The following GNAQ variants were observed in gnomAD, a reference collection of about 807,000 sequenced individuals.
GNAQ encodes the protein G protein subunit alpha q, also known as guanine nucleotide-binding protein G(q) subunit alpha.
Under a neutral mutation model 43.9 loss-of-function variants are expected in GNAQ, and 8 were observed. The ratio of observed to expected loss-of-function variants is 0.18; its 90% CI spans 0.11 to 0.33. GNAQ has a LOEUF of 0.33. Ranked by LOEUF, GNAQ falls within the 10% of genes least tolerant of loss-of-function variation. The probability of loss-of-function intolerance (pLI) is 1.00; values close to 1 mark genes in which losing one functional copy is unlikely to be tolerated. For synonymous variants in GNAQ, 155 were observed against 170.7 expected (o/e 0.91, Z 0.71); for missense variants, 158 against 450.8 (o/e 0.35, Z 5.88).
At chr9:77,765,036 G>A (rs1388916817) in intron 5 of GNAQ, among the ~76,000 whole-genome samples, 1 of 152,144 alleles carries the variant, frequency 6.6e-6, no homozygotes, top group African/African-American at 2.4e-5. Context: ...CTGGGAATTT[G>A]TCTTCGGTTT....
At chr9:77,833,591 A>C (rs1245609411) in intron 2 of GNAQ, among the ~76,000 whole-genome samples, 1 of 152,226 alleles carries the variant, frequency 6.6e-6, no homozygotes, top group Non-Finnish European at 1.5e-5. Flanking sequence ...TCCTAGGCTT[A>C]AAGTTTAGTT....
chr9:77,868,882 G>A (rs1827991511), intron 2 of GNAQ, among the ~76,000 whole-genome samples: 1 of 152,202 alleles, frequency 6.6e-6, no homozygotes, highest in Non-Finnish European at 1.5e-5. Context: ...AGCTACTTGG[G>A]AGGCTGAGGC....
intron 2 of GNAQ, among the ~76,000 whole-genome samples, chr9:77,873,092 CT>C (rs991695253): frequency 6.6e-6 from 1 of 152,208 alleles, no homozygotes; most frequent in Non-Finnish European, 1.5e-5. Flanking sequence ...TATTCATCCC[CT>C]GGGGTCTAAT....
chr9:77,854,337 G>A (rs1057380223), intron 2 of GNAQ, among the ~76,000 whole-genome samples: 1 of 152,066 alleles, frequency 6.6e-6, no homozygotes, highest in African/African-American at 2.4e-5. Context: ...TTACTGTTTA[G>A]GAATTATAGG....
chr9:77,814,231 T>C (rs1019601095), intron 3 of GNAQ, among the ~76,000 whole-genome samples: 3 of 151,726 alleles, frequency 2.0e-5, no homozygotes, highest in Admixed American at 1.3e-4. Flanking sequence ...CAGAAACTTA[T>C]ACAGTGGGAG....
At chr9:77,773,735 C>T (rs976977304) in intron 5 of GNAQ, among the ~76,000 whole-genome samples, 1 of 152,140 alleles carries the variant, frequency 6.6e-6, no homozygotes, top group East Asian at 1.9e-4. Flanking sequence ...CATAGGTTCC[C>T]GTGTGAAAAC....
intron 2 of GNAQ, among the ~76,000 whole-genome samples, chr9:77,871,592 A>T (rs1337652013): frequency 6.6e-6 from 1 of 152,040 alleles, no homozygotes; most frequent in Non-Finnish European, 1.5e-5. Flanking sequence ...CCTTTTTAAT[A>T]TCCCTTTTAA....
chr9:77,993,127 T>C (rs980593967), intron 1 of GNAQ, among the ~76,000 whole-genome samples: 2 of 152,214 alleles, frequency 1.3e-5, no homozygotes, highest in African/African-American at 4.8e-5. Flanking sequence ...TAGAAACTAA[T>C]TAAATTCAGT....
At chr9:77,776,185 T>G (rs1826303939) in intron 5 of GNAQ, among the ~76,000 whole-genome samples, 1 of 152,210 alleles carries the variant, frequency 6.6e-6, no homozygotes, top group Non-Finnish European at 1.5e-5. Context: ...TTTCCAGCTC[T>G]GCAATAGCCT....
intron 2 of GNAQ, among the ~76,000 whole-genome samples, chr9:77,863,216 A>AAGGAAGGAAGGAAGGAAGGGAGGGAGGG (rs1281288103): frequency 3.4e-4 from 51 of 149,050 alleles, no homozygotes; most frequent in African/African-American, 1.2e-3. Flanking sequence ...GGAAGGAAGG[A>AAGGAAGGAAGGAAGGAAGGGAGGGAGGG]AGGGAGGAAG....
chr9:77,741,934 T>A (rs145599920), intron 5 of GNAQ, among the ~76,000 whole-genome samples: 1 of 152,152 alleles, frequency 6.6e-6, no homozygotes, highest in East Asian at 1.9e-4. Flanking sequence ...TACTAAAAGG[T>A]ATGGTTATGA....
chr9:77,837,362 G>A (rs1827406731), intron 2 of GNAQ, among the ~76,000 whole-genome samples: 2 of 151,932 alleles, frequency 1.3e-5, no homozygotes, highest in South Asian at 4.2e-4. Context: ...GACCAGGCTG[G>A]CCAACATGGT....
At chr9:78,016,457 G>A (rs1014920686) in intron 1 of GNAQ, among the ~76,000 whole-genome samples, 5 of 152,156 alleles carry the variant, frequency 3.3e-5, no homozygotes, top group African/African-American at 1.2e-4. Context: ...AGGCCAAGGT[G>A]GGCGGATCAC....
intron 1 of GNAQ, among the ~76,000 whole-genome samples, chr9:77,963,117 T>C (rs1823125843): frequency 1.3e-5 from 2 of 152,150 alleles, no homozygotes; most frequent in South Asian, 4.1e-4. Flanking sequence ...GCCAAATTTA[T>C]AGTGAAACTC....
In GNAQ at chr9:77,996,510, C is replaced by T. The variant is rs1346425954; in HGVS notation, c.136+34590G>A. Among the ~76,000 whole-genome samples the T allele has an allele frequency of 2.0e-5, 3 of 151,428 alleles. No individual in the cohort carries two copies. In the East Asian group the frequency reaches 5.8e-4, roughly 29 times the overall value. ...CTGATCAACATGGTGAAACCCTATC[C>T]CTACAAAAAATACAGAAGTTAGCCA... On this transcript the variant is annotated intron_variant, in intron 1 of 6. Coordinates refer to ENST00000286548, the MANE Select transcript of GNAQ (RefSeq NM_002072.5).
chr9:77,949,171 G>C (rs117263769), intron 1 of GNAQ, among the ~76,000 whole-genome samples: 1 of 152,138 alleles, frequency 6.6e-6, no homozygotes, highest in African/African-American at 2.4e-5. Flanking sequence ...AATACTAAGC[G>C]GCAAAACTGG....
intron 5 of GNAQ, among the ~76,000 whole-genome samples, chr9:77,766,746 T>C (rs1205879387): frequency 6.6e-6 from 1 of 152,114 alleles, no homozygotes; most frequent in African/African-American, 2.4e-5. Context: ...AGTGTGGGTG[T>C]TTAACTAGTG....
chr9:77,959,248 C>G (rs890394627), intron 1 of GNAQ, among the ~76,000 whole-genome samples: 1 of 152,162 alleles, frequency 6.6e-6, no homozygotes, highest in African/African-American at 2.4e-5. Context: ...AAGTCTCTTG[C>G]TTCATTTACA....
chr9:77,730,741 A>C (rs1825475804), intron 5 of GNAQ, among the ~76,000 whole-genome samples: 1 of 152,220 alleles, frequency 6.6e-6, no homozygotes, highest in Admixed American at 6.5e-5. Context: ...ACATACCTTT[A>C]TTGTCTATAG....
Sources: allele counts gnomAD v4.1 joint callset (sites outside exome capture counted in the v4.1 genomes callset), GRCh38; gene constraint gnomAD v4.1.1; transcripts MANE v1.5; gene names NCBI Gene and HGNC (gene_info 2026-07-23, HGNC 2026-07-21).